Variants in NKAIN3 observed in about 807,000 individuals in gnomAD.
NKAIN3 encodes the protein sodium/potassium-transporting ATPase subunit beta-1-interacting protein 3.
Under a neutral mutation model 30.2 loss-of-function variants are expected in NKAIN3, and 25 were observed. The observed-to-expected ratio is 0.83, with a 90% confidence interval of 0.60 to 1.16. The LOEUF (loss-of-function observed/expected upper bound fraction) is 1.16, where lower values mean the gene tolerates loss of function less well. NKAIN3 is among the 50% of genes most tolerant of loss of function. The probability of loss-of-function intolerance (pLI) is 0.00; values close to 1 mark genes in which losing one functional copy is unlikely to be tolerated. For missense variants in NKAIN3, 225 were observed against 254.1 expected (o/e 0.89, Z 0.78); for synonymous variants, 91 against 89.6 (o/e 1.02, Z -0.09).
intron 1 of NKAIN3, among the ~76,000 whole-genome samples, chr8:62,290,707 T>C (rs1234685261): frequency 6.6e-6 from 1 of 152,172 alleles, no homozygotes; most frequent in East Asian, 1.9e-4. Flanking sequence ...TTCTCTTTTT[T>C]TGTGTGTCTC....
intron 1 of NKAIN3, among the ~76,000 whole-genome samples, chr8:62,284,787 A>G (rs192255773): frequency 4.0e-3 from 615 of 152,250 alleles, no homozygotes; most frequent in African/African-American, 0.014. Flanking sequence ...AGATGCAAAA[A>G]AAAACTCTGA....
At chr8:62,373,520 G>T (rs1816973289) in intron 1 of NKAIN3, among the ~76,000 whole-genome samples, 1 of 152,122 alleles carries the variant, frequency 6.6e-6, no homozygotes, top group South Asian at 2.1e-4. Flanking sequence ...TACTCTGCCA[G>T]TTTGGAAATT....
chr8:62,295,181 G>A (rs902287064), intron 1 of NKAIN3, among the ~76,000 whole-genome samples: 1 of 152,126 alleles, frequency 6.6e-6, no homozygotes, highest in African/African-American at 2.4e-5. Flanking sequence ...CAATGTGTCA[G>A]CCATTGCATA....
chr8:62,850,637 G>A (rs185898634), intron 4 of NKAIN3, among the ~76,000 whole-genome samples: 91,214 of 151,140 alleles, frequency 0.6, 28,394 homozygotes, highest in Non-Finnish European at 0.7. Flanking sequence ...TTTGTATAAG[G>A]TGTAAGGAAG....
chr8:62,316,389 C>T (rs1814628025), intron 1 of NKAIN3, among the ~76,000 whole-genome samples: 1 of 151,884 alleles, frequency 6.6e-6, no homozygotes, highest in South Asian at 2.1e-4. Flanking sequence ...ATTAACTCTT[C>T]ATTTAACATT....
chr8:62,940,727 T>C (rs1822929661), intron 5 of NKAIN3, among the ~76,000 whole-genome samples: 1 of 151,974 alleles, frequency 6.6e-6, no homozygotes, highest in South Asian at 2.1e-4. Flanking sequence ...TGAACAATAA[T>C]AGTAACACAA....
At chr8:62,771,881 C>T (rs542223344) in intron 4 of NKAIN3, among the ~76,000 whole-genome samples, 37 of 152,196 alleles carry the variant, frequency 2.4e-4, no homozygotes, top group African/African-American at 8.4e-4. Flanking sequence ...TATCCATCAC[C>T]TCATATATTT....
chr8:62,393,219 A>G (rs539714948), intron 1 of NKAIN3, among the ~76,000 whole-genome samples: 1 of 152,190 alleles, frequency 6.6e-6, no homozygotes, highest in Admixed American at 6.5e-5. Flanking sequence ...TTTTCTTCTA[A>G]AAGCTTTATA....
At chr8:62,650,143 T>G (rs1352811319) in intron 3 of NKAIN3, among the ~76,000 whole-genome samples, 1 of 152,170 alleles carries the variant, frequency 6.6e-6, no homozygotes, top group Non-Finnish European at 1.5e-5. Flanking sequence ...GATATATTTA[T>G]TATCAGTTCT....
rs1814285136 is a variant in NKAIN3 at position 62,307,463 on chromosome 8, T to G, written c.54+58336T>G. 3.3e-5 allele frequency among the ~76,000 whole-genome samples: 5 copies of G among 150,176 alleles called. No individual in the cohort carries two copies. The South Asian group carries it at 1.0e-3, about 31-fold the overall frequency. On this transcript the variant is annotated intron_variant, in intron 1 of 6. Coordinates refer to ENST00000623646, the MANE Select transcript of NKAIN3 (RefSeq NM_001304533.3). ...TTTCCTTCTTTCCACTTGTCTTTTTTGAGCACCATGTGCGTCAGACACTTT... is the reference window on the plus strand; with the variant it reads ...TTTCCTTCTTTCCACTTGTCTTTTTGGAGCACCATGTGCGTCAGACACTTT...
At chr8:62,651,687 T>A (rs1055565060) in intron 3 of NKAIN3, among the ~76,000 whole-genome samples, 2 of 152,156 alleles carry the variant, frequency 1.3e-5, no homozygotes, top group African/African-American at 4.8e-5. Context: ...TGAAATGTGA[T>A]TCCCAATGTT....
chr8:62,381,381 T>G (rs1283484098), intron 1 of NKAIN3, among the ~76,000 whole-genome samples: 1 of 152,176 alleles, frequency 6.6e-6, no homozygotes, highest in African/African-American at 2.4e-5. Flanking sequence ...ATTATGCATT[T>G]AAATCTTCTT....
intron 1 of NKAIN3, among the ~76,000 whole-genome samples, chr8:62,315,438 C>A (rs943948715): frequency 2.0e-5 from 3 of 152,108 alleles, no homozygotes; most frequent in African/African-American, 7.2e-5. Context: ...TGCTGGGGTC[C>A]CTCAATAGTT....
chr8:62,991,619 A>T (rs184984942), intron 5 of NKAIN3, among the ~76,000 whole-genome samples: 37 of 152,344 alleles, frequency 2.4e-4, no homozygotes, highest in Middle Eastern at 6.8e-3. Flanking sequence ...AAATGACTTC[A>T]TTAAGTTTGT....
chr8:62,665,813 GAGT>G lies in NKAIN3; in HGVS notation c.273+76022_273+76024del, dbSNP rs547997016. On this transcript the variant is annotated intron_variant, in intron 3 of 6. Transcript: ENST00000623646. ...TATGTGCCCAGCAATAAGTTTCCAT[GAGT>G]AGGGGAGGAGGATAATGTTGGAAGG... 2.6e-3 allele frequency among the ~76,000 whole-genome samples: 393 copies of G among 152,308 alleles called. 3 individuals carry two copies. The highest frequency in any genetic ancestry group is 8.6e-3 in the African/African-American group (357 of 41,570).
At chr8:62,930,275 C>T (rs1217839371) in intron 5 of NKAIN3, among the ~76,000 whole-genome samples, 1 of 151,504 alleles carries the variant, frequency 6.6e-6, no homozygotes, top group Non-Finnish European at 1.5e-5. Flanking sequence ...TTTTTGGAGA[C>T]AAAGTCTCAT....
chr8:62,404,165 T>C (rs186496606), intron 1 of NKAIN3, among the ~76,000 whole-genome samples: 68 of 152,360 alleles, frequency 4.5e-4, no homozygotes, highest in Non-Finnish European at 8.2e-4. Flanking sequence ...CCTCATTGTA[T>C]CTAGGAAGTA....
intron 3 of NKAIN3, among the ~76,000 whole-genome samples, chr8:62,676,136 C>T (rs1813468002): frequency 6.6e-6 from 1 of 152,136 alleles, no homozygotes; most frequent in South Asian, 2.1e-4. Context: ...AACATTGATC[C>T]TCACCTTACA....
At chr8:62,799,085 A>G (rs1441718107) in intron 4 of NKAIN3, among the ~76,000 whole-genome samples, 2 of 152,186 alleles carry the variant, frequency 1.3e-5, no homozygotes, top group Non-Finnish European at 2.9e-5. Flanking sequence ...TTCTTTATCA[A>G]GTTTAAATTG....
Sources: gnomAD v4.1 joint callset for allele counts (sites outside exome capture counted in the v4.1 genomes callset) on GRCh38, gnomAD v4.1.1 for gene constraint, MANE v1.5 for transcripts, NCBI Gene and HGNC (gene_info 2026-07-23, HGNC 2026-07-21) for gene names.